The following ZCCHC24 variants were observed in gnomAD, a reference collection of about 807,000 sequenced individuals.
The protein encoded by ZCCHC24 is zinc finger CCHC-type containing 24, also known as zinc finger CCHC domain-containing protein 24.
ZCCHC24 carries 10 observed loss-of-function variants against 26.2 expected under a neutral mutation model. That is an observed-to-expected ratio of 0.38 (90% CI 0.24 to 0.65). The LOEUF (loss-of-function observed/expected upper bound fraction) is 0.65, where lower values mean the gene tolerates loss of function less well. Among genes scored for constraint, ZCCHC24 ranks in the 30% least tolerant of loss-of-function variants. The pLI is 0.54. For synonymous variants in ZCCHC24, 144 were observed against 147.1 expected, an observed-to-expected ratio of 0.98 and a Z score of 0.15; for missense variants, 243 against 329.1, an observed-to-expected ratio of 0.74 and a Z score of 2.03.
At chr10:79,429,015 G>A (rs1265549598) in intron 2 of ZCCHC24, among the ~76,000 whole-genome samples, 2 of 152,170 alleles carry the variant, frequency 1.3e-5, no homozygotes, top group Non-Finnish European at 2.9e-5. Flanking sequence ...GAAAGCCCGG[G>A]CGCAGACGGC....
intron 2 of ZCCHC24, among the ~76,000 whole-genome samples, chr10:79,428,492 A>ATTTCAGTTTTGCAAGATAAATTTC (rs112047064): frequency 8.5e-4 from 114 of 133,726 alleles, no homozygotes; most frequent in Middle Eastern, 8.4e-3. Context: ...TGCAAGATAA[A>ATTTCAGTTTTGCAAGATAAATTTC]AAGAGCTCTG....
chr10:79,415,436 AGT>A (rs1228218892), intron 2 of ZCCHC24, among the ~76,000 whole-genome samples: 13 of 152,154 alleles, frequency 8.5e-5, no homozygotes, highest in African/African-American at 3.1e-4. Context: ...AAGGGGATGG[AGT>A]CTTCAGTGTC....
intron 2 of ZCCHC24, among the ~76,000 whole-genome samples, chr10:79,396,683 A>G (rs909542708): frequency 3.9e-5 from 6 of 152,254 alleles, no homozygotes; most frequent in Non-Finnish European, 5.9e-5. Context: ...ACTGCATTTT[A>G]ACAAGAGCCC....
chr10:79,443,889 C>T (rs548918770), intron 1 of ZCCHC24, among the ~76,000 whole-genome samples: 11 of 152,348 alleles, frequency 7.2e-5, no homozygotes, highest in African/African-American at 2.6e-4. Flanking sequence ...CAGCCCCCTC[C>T]CACGCCTGTT....
chr10:79,400,802 C>T (rs1856618444), intron 2 of ZCCHC24, among the ~76,000 whole-genome samples: 2 of 152,206 alleles, frequency 1.3e-5, no homozygotes, highest in Non-Finnish European at 2.9e-5. Context: ...ATACTCATGT[C>T]CATAGAGCTA....
chr10:79,407,255 G>A (rs1856729476), intron 2 of ZCCHC24, among the ~76,000 whole-genome samples: 1 of 152,224 alleles, frequency 6.6e-6, no homozygotes, highest in African/African-American at 2.4e-5. Flanking sequence ...TGTCCCAGAG[G>A]AGCACTCGGT....
At chr10:79,434,890 G>A (rs1389647560) in intron 1 of ZCCHC24, among the ~76,000 whole-genome samples, 1 of 151,746 alleles carries the variant, frequency 6.6e-6, no homozygotes, top group Non-Finnish European at 1.5e-5. Flanking sequence ...AAACAACAAC[G>A]CCCCCGCCTA....
chr10:79,425,793 A>T (rs1386999518), intron 2 of ZCCHC24, among the ~76,000 whole-genome samples: 1 of 152,214 alleles, frequency 6.6e-6, no homozygotes, highest in African/African-American at 2.4e-5. Flanking sequence ...TGTATAGTGT[A>T]TGATATTATT....
At chr10:79,432,040 T>C (rs1441656457) in intron 2 of ZCCHC24, among the ~76,000 whole-genome samples, 1 of 152,108 alleles carries the variant, frequency 6.6e-6, no homozygotes, top group Non-Finnish European at 1.5e-5. Flanking sequence ...CCTGAAGCCT[T>C]CCCCCAGCCC....
At position 79,445,578 on chromosome 10, in the gene ZCCHC24, C is replaced by T; in HGVS notation, c.-138G>A. 1.3e-6 allele frequency: 1 copy of T among 745,296 alleles called. No homozygotes were observed. Among genetic ancestry groups the T allele is most frequent in the South Asian group, 5.9e-5 (1 of 16,952 alleles). 46.2% of individuals were successfully genotyped at this position (745,296 alleles called of 1,614,324 possible). A position where few individuals can be genotyped will look rare whatever the true frequency, so the allele number is the denominator to read the frequency against. On this transcript the variant is annotated 5_prime_UTR_variant, in exon 1 of 4. Transcript: ENST00000372336. Reference sequence around the variant, plus strand: ...GGTGATCGCCCCGCGCCCTGCGCCCCGCGCGCTGCCCGCAGCCGCTGCCGC... The same window carrying T: ...GGTGATCGCCCCGCGCCCTGCGCCCTGCGCGCTGCCCGCAGCCGCTGCCGC...
intron 2 of ZCCHC24, among the ~76,000 whole-genome samples, chr10:79,411,118 G>A (rs1161180970): frequency 6.6e-6 from 1 of 152,174 alleles, no homozygotes; most frequent in African/African-American, 2.4e-5. Flanking sequence ...ATGGATGGCA[G>A]CCTCATGATA....
Position 79,384,507 on chromosome 10 carries a change from G to A in ZCCHC24, c.*1838C>T, listed in dbSNP as rs950960391. On this transcript the variant is annotated 3_prime_UTR_variant, in exon 4 of 4. Transcript: ENST00000372336. The stretch of plus-strand genomic sequence containing the variant: ...CACCTTGGAGAAGACGGGGAACAAC[G>A]TGCTCGGGGAGTCCTCAGTGGCAGT... The A allele has an allele frequency of 1.1e-4, 17 of 152,546 alleles. No homozygotes were observed. The highest frequency in any genetic ancestry group is 3.4e-4 in the African/African-American group (14 of 41,588). 9.4% of individuals were successfully genotyped at this position (152,546 alleles called of 1,614,324 possible).
intron 1 of ZCCHC24, among the ~76,000 whole-genome samples, chr10:79,437,053 T>G (rs1857225937): frequency 6.6e-6 from 1 of 152,178 alleles, no homozygotes; most frequent in Non-Finnish European, 1.5e-5. Flanking sequence ...TTTACTTTTT[T>G]TTTGAGACAG....
intron 3 of ZCCHC24, among the ~76,000 whole-genome samples, chr10:79,391,668 C>A (rs1028268197): frequency 2.6e-5 from 4 of 151,904 alleles, no homozygotes; most frequent in African/African-American, 9.7e-5. Context: ...CTCCCCTGCT[C>A]CCTCCCAGGC....
At chr10:79,437,430 A>G (rs1429378021) in intron 1 of ZCCHC24, among the ~76,000 whole-genome samples, 1 of 152,206 alleles carries the variant, frequency 6.6e-6, no homozygotes, top group Non-Finnish European at 1.5e-5. Flanking sequence ...CTTACCTGGC[A>G]AGAATACTAT....
intron 2 of ZCCHC24, among the ~76,000 whole-genome samples, chr10:79,412,726 C>T (rs771489606): frequency 1.3e-5 from 2 of 152,238 alleles, no homozygotes; most frequent in African/African-American, 4.8e-5. Flanking sequence ...TCTGGCTGTG[C>T]GGTCCTGGAG....
At chr10:79,440,728 C>T (rs1205270359) in intron 1 of ZCCHC24, among the ~76,000 whole-genome samples, 1 of 152,218 alleles carries the variant, frequency 6.6e-6, no homozygotes, top group Non-Finnish European at 1.5e-5. Flanking sequence ...GAGCAGAGGA[C>T]TGTTCCACTA....
intron 1 of ZCCHC24, among the ~76,000 whole-genome samples, chr10:79,441,999 G>A (rs1174031801): frequency 6.6e-6 from 1 of 152,200 alleles, no homozygotes; most frequent in Admixed American, 6.5e-5. Flanking sequence ...CTTTACGGTT[G>A]TGAATTTAAG....
chr10:79,392,164 G>A (rs78789568), intron 3 of ZCCHC24, among the ~76,000 whole-genome samples: 3,893 of 151,972 alleles, frequency 0.026, 180 homozygotes, highest in African/African-American at 0.09. Context: ...TGGAGTGCTC[G>A]CCCAGCCAAC....
Sources: allele counts gnomAD v4.1 joint callset (sites outside exome capture counted in the v4.1 genomes callset), GRCh38; gene constraint gnomAD v4.1.1; transcripts MANE v1.5; gene names NCBI Gene and HGNC (gene_info 2026-07-23, HGNC 2026-07-21).